The following TMEM108 variants were observed in gnomAD, a reference collection of about 807,000 sequenced individuals.
TMEM108 encodes cancer/testis antigen 124.
In TMEM108, 12 loss-of-function variants were observed where a neutral mutation model predicts 35.1. That is an observed-to-expected ratio of 0.34 (90% CI 0.22 to 0.55). The LOEUF (loss-of-function observed/expected upper bound fraction) is 0.55. Among genes scored for constraint, TMEM108 ranks in the 20% least tolerant of loss-of-function variants. The probability of loss-of-function intolerance (pLI) is 0.89; values close to 1 mark genes in which losing one functional copy is unlikely to be tolerated. For missense variants in TMEM108, 680 were observed against 753.3 expected (o/e 0.90, Z 1.14); for synonymous variants, 287 against 308.6 (o/e 0.93, Z 0.73).
intron 1 of TMEM108, among the ~76,000 whole-genome samples, chr3:133,039,233 C>T (rs972316221): frequency 1.3e-5 from 2 of 152,192 alleles, no homozygotes; most frequent in African/African-American, 4.8e-5. Flanking sequence ...GACCACCACA[C>T]TGAGATTCTT....
At chr3:133,145,557 G>C (rs1271412344) in intron 2 of TMEM108, among the ~76,000 whole-genome samples, 2 of 152,170 alleles carry the variant, frequency 1.3e-5, no homozygotes, top group African/African-American at 4.8e-5. Context: ...ACTTTGGGCA[G>C]CGTGGCCATT....
At chr3:133,378,402 T>G in intron 3 of TMEM108, 1 of 985,510 alleles carries the variant, frequency 1.0e-6, no homozygotes, top group Non-Finnish European at 1.2e-6. Context: ...TTTGGCCGTT[T>G]GTCCTGCTGG....
chr3:133,380,371 C>T lies in TMEM108; in HGVS notation c.660C>T (p.Tyr220=), dbSNP rs1163973596. The change falls in exon 4 of 6, where the codon TAC becomes TAT. Residue 220 remains tyrosine (Y), a synonymous_variant. Coordinates refer to ENST00000321871, the MANE Select transcript of TMEM108 (RefSeq NM_023943.4). The surrounding 1 kb of genome is among the most constrained non-coding windows in gnomAD (Gnocchi z 5.3). ...KRPLGKIFQI[Y]KGNFTGSVEP... is the part of the protein sequence containing the mutation. ...CCCTGGGGAAAATCTTTCAGATCTA[C>T]AAGGGCAACTTCACAGGGTCTGTGG... The T allele has an allele frequency of 1.4e-5, 22 of 1,613,772 alleles. No homozygotes were observed. Among genetic ancestry groups the T allele is most frequent in the Non-Finnish European group, 1.9e-5 (22 of 1,179,868 alleles).
chr3:133,293,515 T>A (rs1304386373), intron 3 of TMEM108, among the ~76,000 whole-genome samples: 1 of 151,934 alleles, frequency 6.6e-6, no homozygotes, highest in Non-Finnish European at 1.5e-5. Context: ...CAAAGATTAA[T>A]AATAAAATAC....
intron 3 of TMEM108, among the ~76,000 whole-genome samples, chr3:133,231,744 T>C (rs1946156434): frequency 6.6e-6 from 1 of 152,122 alleles, no homozygotes; most frequent in Non-Finnish European, 1.5e-5. Context: ...ATCTATTTGT[T>C]TAAAAAAACA....
chr3:133,046,989 CAT>C (rs759858815), intron 2 of TMEM108, among the ~76,000 whole-genome samples: 2 of 152,120 alleles, frequency 1.3e-5, no homozygotes, highest in Admixed American at 6.5e-5. Context: ...TTCGGGGCCT[CAT>C]GTGGCTCAGT....
intron 2 of TMEM108, among the ~76,000 whole-genome samples, chr3:133,188,107 A>G (rs1945447941): frequency 6.6e-6 from 1 of 152,158 alleles, no homozygotes; most frequent in African/African-American, 2.4e-5. Flanking sequence ...ACACTGAGGA[A>G]TGTTATTATT....
chr3:133,067,429 C>T (rs756686569), intron 2 of TMEM108, among the ~76,000 whole-genome samples: 1 of 152,204 alleles, frequency 6.6e-6, no homozygotes, highest in Non-Finnish European at 1.5e-5. Flanking sequence ...CCTTCCTTCA[C>T]AACTTCTCTC....
intron 2 of TMEM108, among the ~76,000 whole-genome samples, chr3:133,075,005 T>C (rs534551755): frequency 3.9e-5 from 6 of 152,324 alleles, no homozygotes; most frequent in Non-Finnish European, 8.8e-5. Flanking sequence ...ACAAATCTTA[T>C]CTCTCTTTTT....
intron 2 of TMEM108, among the ~76,000 whole-genome samples, chr3:133,193,360 C>T (rs1235113456): frequency 6.6e-6 from 1 of 152,066 alleles, no homozygotes; most frequent in East Asian, 1.9e-4. Context: ...TATGAGGAGC[C>T]TGTGTGGTTA....
chr3:133,127,696 A>G (rs1944435766), intron 2 of TMEM108, among the ~76,000 whole-genome samples: 1 of 152,094 alleles, frequency 6.6e-6, no homozygotes, highest in African/African-American at 2.4e-5. Flanking sequence ...ATGTCAGTGT[A>G]TTTCCTGGTT....
At chr3:133,073,208 T>C (rs1403565809) in intron 2 of TMEM108, among the ~76,000 whole-genome samples, 1 of 152,048 alleles carries the variant, frequency 6.6e-6, no homozygotes, top group Non-Finnish European at 1.5e-5. Flanking sequence ...TGTTGTATAA[T>C]AGGTCTTTTG....
chr3:133,201,951 T>C (rs1945674658), intron 2 of TMEM108, among the ~76,000 whole-genome samples: 1 of 152,196 alleles, frequency 6.6e-6, no homozygotes, highest in African/African-American at 2.4e-5. Flanking sequence ...CCACGTCCTC[T>C]CCAGCATCTG....
intron 3 of TMEM108, among the ~76,000 whole-genome samples, chr3:133,255,333 C>T (rs1337585695): frequency 2.0e-5 from 3 of 152,110 alleles, no homozygotes; most frequent in Non-Finnish European, 4.4e-5. Flanking sequence ...GACTACTCAA[C>T]TTGAAAAAAG....
At chr3:133,247,032 G>A (rs1408815940) in intron 3 of TMEM108, 5 of 152,186 alleles carry the variant, frequency 3.3e-5, no homozygotes, top group African/African-American at 1.2e-4. Flanking sequence ...GATGTCCAGG[G>A]CTCAGATGCC....
intron 2 of TMEM108, among the ~76,000 whole-genome samples, chr3:133,158,842 C>T (rs936318523): frequency 6.6e-6 from 1 of 152,220 alleles, no homozygotes; most frequent in African/African-American, 2.4e-5. Flanking sequence ...GTTACTGTCT[C>T]CTTTGGCCTT....
chr3:133,092,706 A>G (rs929268978), intron 2 of TMEM108, among the ~76,000 whole-genome samples: 5 of 152,194 alleles, frequency 3.3e-5, no homozygotes, highest in African/African-American at 4.8e-5. Flanking sequence ...ATCATTTTCC[A>G]TTAAGTGAAC....
intron 2 of TMEM108, among the ~76,000 whole-genome samples, chr3:133,142,487 A>G (rs938701970): frequency 5.9e-5 from 9 of 152,192 alleles, no homozygotes; most frequent in African/African-American, 2.2e-4. Context: ...TTACCTGCTC[A>G]GGGTGGATGT....
At chr3:133,117,520 A>G (rs1260985896) in intron 2 of TMEM108, among the ~76,000 whole-genome samples, 2 of 152,182 alleles carry the variant, frequency 1.3e-5, no homozygotes, top group Non-Finnish European at 2.9e-5. Flanking sequence ...TTGCATTAGG[A>G]GCTGAAAATT....
Sources: allele counts gnomAD v4.1 joint callset (sites outside exome capture counted in the v4.1 genomes callset), GRCh38; gene constraint gnomAD v4.1.1; non-coding constraint Gnocchi (gnomAD v3.1); transcripts MANE v1.5; gene names NCBI Gene and HGNC (gene_info 2026-07-23, HGNC 2026-07-21).